The following ZNF175 variants were observed in gnomAD, a reference collection of about 807,000 sequenced individuals.
ZNF175 encodes the protein zinc finger protein OTK18.
A neutral mutation model predicts 14.0 loss-of-function variants in ZNF175; 8 were observed. The observed-to-expected ratio is 0.57, with a 90% CI of 0.34 to 1.03. The LOEUF (loss-of-function observed/expected upper bound fraction) is 1.03. Ranked by LOEUF, ZNF175 falls within the 50% of genes least tolerant of loss-of-function variation. The pLI is 0.03. For missense variants in ZNF175, 764 were observed against 849.5 expected (o/e 0.90, Z 1.25); for synonymous variants, 255 against 296.8 (o/e 0.86, Z 1.45).
At chr19:51,573,595 G>A (rs1981669993) in intron 2 of ZNF175, 194 bp downstream of exon 2, 1 of 576,812 alleles carries the variant, frequency 1.7e-6, no homozygotes, top group Non-Finnish European at 3.0e-6. Context: ...AAAGAGGATA[G>A]TAGAGGGTTG....
Position 51,590,150 on chromosome 19 carries a change from G to C in ZNF175, c.*1683G>C, listed in dbSNP as rs575903670. The C allele has an allele frequency of 7.9e-5, 12 of 152,800 alleles. No individual in the cohort carries two copies. Among genetic ancestry groups the C allele is most frequent in the African/African-American group, 2.6e-4 (11 of 41,516 alleles). The allele number at this position is 152,800 out of a possible 1,614,324, so 9.5% of individuals were successfully genotyped here. On this transcript the variant is annotated 3_prime_UTR_variant, in exon 5 of 5. Coordinates refer to ENST00000262259, the MANE Select transcript of ZNF175 (RefSeq NM_007147.4). Reference sequence around the variant, plus strand: ...AGAGGGAACTGTTATCAATACTTCCGAGAAGCAGACCAGCATAATCTTTTA... The same window carrying C: ...AGAGGGAACTGTTATCAATACTTCCCAGAAGCAGACCAGCATAATCTTTTA...
chr19:51,580,350 G>A (rs1330676897), intron 2 of ZNF175, among the ~76,000 whole-genome samples: 1 of 152,132 alleles, frequency 6.6e-6, no homozygotes, highest in African/African-American at 2.4e-5. Flanking sequence ...TAAAATTGAT[G>A]ATTGGGTTCA....
intron 2 of ZNF175, among the ~76,000 whole-genome samples, chr19:51,580,016 TTAAA>T (rs1981944375): frequency 6.6e-6 from 1 of 152,028 alleles, no homozygotes; most frequent in South Asian, 2.1e-4. Flanking sequence ...ATATGTAATA[TTAAA>T]ATATTACATA....
At chr19:51,583,660 T>C (rs1218063960) in intron 4 of ZNF175, among the ~76,000 whole-genome samples, 1 of 152,208 alleles carries the variant, frequency 6.6e-6, no homozygotes, top group Non-Finnish European at 1.5e-5. Flanking sequence ...ATTTTGTTTC[T>C]TTTTTCCTCA....
chr19:51,587,380 T>TG lies in ZNF175; in HGVS notation c.1050dup (p.Leu351AlafsTer9). ...AAGGTCTTTATTCAGAGATCAGAATTGCTTACGCACCAGAAAACACACACT... is the reference window on the plus strand; with the variant it reads ...AAGGTCTTTATTCAGAGATCAGAATTGGCTTACGCACCAGAAAACACACACT... On this transcript the variant is annotated frameshift_variant, in exon 5 of 5. Coordinates refer to ENST00000262259, the MANE Select transcript of ZNF175 (RefSeq NM_007147.4). LOFTEE classifies it low-confidence loss of function (END_TRUNC). The TG allele has an allele frequency of 1.2e-6, 2 of 1,614,130 alleles. No homozygotes were observed. The highest frequency in any genetic ancestry group is 1.7e-6 in the Non-Finnish European group (2 of 1,180,014).
At chr19:51,584,406 A>G (rs904167411) in intron 4 of ZNF175, among the ~76,000 whole-genome samples, 5 of 152,224 alleles carry the variant, frequency 3.3e-5, no homozygotes, top group African/African-American at 1.2e-4. Flanking sequence ...TGCAATCGAC[A>G]TTGTTAGGCT....
rs1340325982 is a variant in ZNF175 at position 51,582,861 on chromosome 19, T to C, written c.295+979T>C. ...GCCCTGTTCTTCCATATGGGCATCT[T>C]TTCTTTTTTTTGAGGCAGAGTTTCA... On this transcript the variant is annotated intron_variant, in intron 4 of 4. Coordinates refer to ENST00000262259, the MANE Select transcript of ZNF175 (RefSeq NM_007147.4). 2.0e-5 allele frequency among the ~76,000 whole-genome samples: 3 copies of C among 152,246 alleles called. No individual in the cohort carries two copies. The East Asian group carries it at 5.8e-4, about 29-fold the overall frequency.
At chr19:51,579,275 G>A (rs1420588099) in intron 2 of ZNF175, among the ~76,000 whole-genome samples, 3 of 126,486 alleles carry the variant, frequency 2.4e-5, no homozygotes, top group Admixed American at 8.1e-5. Context: ...AAAAAAAAAA[G>A]CTGGACATGG....
intron 4 of ZNF175, 101 bp from the exon 5 acceptor site, chr19:51,586,526 A>G: frequency 2.5e-6 from 3 of 1,182,600 alleles, no homozygotes; most frequent in Non-Finnish European, 2.4e-6. Flanking sequence ...GCATTATTAC[A>G]TGACTCAGCA....
At chr19:51,580,695 A>C (rs1451543431) in intron 2 of ZNF175, among the ~76,000 whole-genome samples, 1 of 152,180 alleles carries the variant, frequency 6.6e-6, no homozygotes, top group African/African-American at 2.4e-5. Context: ...TTGGATGGTA[A>C]CCACCTTCCA....
intron 3 of ZNF175, 66 bp from the exon 4 acceptor site, chr19:51,581,721 C>T: frequency 6.3e-7 from 1 of 1,581,034 alleles, no homozygotes; most frequent in South Asian, 1.1e-5. Flanking sequence ...CAGTGTAAAG[C>T]TTCATTGAAT....
intron 4 of ZNF175, among the ~76,000 whole-genome samples, chr19:51,582,871 T>C (rs1982059338): frequency 6.6e-6 from 1 of 152,118 alleles, no homozygotes; most frequent in African/African-American, 2.4e-5. Context: ...TTTCTTTTTT[T>C]TGAGGCAGAG....
chr19:51,579,294 G>A (rs1284501465), intron 2 of ZNF175, among the ~76,000 whole-genome samples: 12 of 141,756 alleles, frequency 8.5e-5, no homozygotes, highest in African/African-American at 2.6e-4. Context: ...GGTAGTGCAC[G>A]CCTGTGGTCC....
At chr19:51,574,046 TTC>T (rs1276305060) in intron 2 of ZNF175, 1 of 152,314 alleles carries the variant, frequency 6.6e-6, no homozygotes, top group African/African-American at 2.4e-5. Flanking sequence ...TCCTAAATTA[TTC>T]TGTGTATCTC....
At chr19:51,576,889 A>C (rs1260792242) in intron 2 of ZNF175, among the ~76,000 whole-genome samples, 2 of 152,124 alleles carry the variant, frequency 1.3e-5, no homozygotes, top group African/African-American at 4.8e-5. Flanking sequence ...CACGGCAGTA[A>C]ATCCTGTGAG....
At chr19:51,582,601 T>G (rs1241751457) in intron 4 of ZNF175, among the ~76,000 whole-genome samples, 4 of 152,124 alleles carry the variant, frequency 2.6e-5, no homozygotes, top group African/African-American at 7.2e-5. Flanking sequence ...CCAGCCTGTT[T>G]CATTGCTTAA....
rs7259649 is a variant in ZNF175 at position 51,592,188 on chromosome 19, G to A, written c.*3721G>A. On this transcript the variant is annotated 3_prime_UTR_variant, in exon 5 of 5. Transcript: ENST00000262259. ...CCATCCTTTGACTGTTGTGGCGATT[G>A]GCACAAAGGTTGGGCACAGTAGTAG... 0.49 allele frequency: 81,482 copies of A among 165,236 alleles called. 24,093 individuals carry two copies. Among genetic ancestry groups the A allele is most frequent in the African/African-American group, 0.85 (35,306 of 41,636 alleles). The allele number at this position is 165,236 out of a possible 1,614,324, so 10.2% of individuals were successfully genotyped here. A position where few individuals can be genotyped will look rare whatever the true frequency, so the allele number is the denominator to read the frequency against.
At chr19:51,577,564 G>T (rs1005787796) in intron 2 of ZNF175, among the ~76,000 whole-genome samples, 12 of 151,518 alleles carry the variant, frequency 7.9e-5, no homozygotes, top group African/African-American at 2.9e-4. Context: ...GGATATTTGA[G>T]ATATTTTAAA....
At chr19:51,578,552 G>A (rs1235284583) in intron 2 of ZNF175, among the ~76,000 whole-genome samples, 1 of 152,210 alleles carries the variant, frequency 6.6e-6, no homozygotes, top group Non-Finnish European at 1.5e-5. Context: ...AGGATTGCTT[G>A]AGCCCAGGAG....
Sources: allele counts gnomAD v4.1 joint callset (sites outside exome capture counted in the v4.1 genomes callset), GRCh38; gene constraint gnomAD v4.1.1; transcripts MANE v1.5; gene names NCBI Gene and HGNC (gene_info 2026-07-23, HGNC 2026-07-21).